Variants in CDC42BPA observed in about 807,000 individuals in gnomAD.
CDC42BPA encodes CDC42 binding protein kinase alpha.
Under a neutral mutation model 223.5 loss-of-function variants are expected in CDC42BPA, and 80 were observed. The ratio of observed to expected loss-of-function variants is 0.36; its 90% CI spans 0.30 to 0.43. The LOEUF is 0.43. Ranked by LOEUF, CDC42BPA falls within the 20% of genes least tolerant of loss-of-function variation. The pLI is 1.00. For missense variants in CDC42BPA, 1,743 were observed against 2,099.9 expected, an observed-to-expected ratio of 0.83 and a Z score of 3.32; for synonymous variants, 694 against 718.6, an observed-to-expected ratio of 0.97 and a Z score of 0.55.
intron 21 of CDC42BPA, among the ~76,000 whole-genome samples, chr1:227,058,888 A>C (rs976304320): frequency 4.6e-5 from 7 of 151,046 alleles, no homozygotes; most frequent in African/African-American, 1.5e-4. Context: ...AAAAAAAAAA[A>C]CAAGATTTCT....
At chr1:227,266,387 C>T (rs1257152422) in intron 1 of CDC42BPA, among the ~76,000 whole-genome samples, 1 of 152,104 alleles carries the variant, frequency 6.6e-6, no homozygotes, top group East Asian at 1.9e-4. Flanking sequence ...AAAGGAAAAA[C>T]AGAAGAGCTT....
intron 25 of CDC42BPA, 68 bp downstream of exon 25, chr1:227,035,403 C>A: frequency 8.2e-7 from 1 of 1,217,110 alleles, no homozygotes. Context: ...CTTAAACTAA[C>A]TGGATTTGAT....
chr1:227,020,849 T>G (rs1667227156), intron 32 of CDC42BPA, among the ~76,000 whole-genome samples: 1 of 152,218 alleles, frequency 6.6e-6, no homozygotes. Context: ...TCATTAAGTT[T>G]AATCATTTCT....
intron 1 of CDC42BPA, among the ~76,000 whole-genome samples, chr1:227,274,989 C>A (rs1163993961): frequency 2.0e-5 from 3 of 152,152 alleles, no homozygotes; most frequent in African/African-American, 4.8e-5. Context: ...AATTTTAACA[C>A]CTGTCTCAGT....
At chr1:227,179,575 G>A (rs536644292) in intron 5 of CDC42BPA, among the ~76,000 whole-genome samples, 1 of 139,316 alleles carries the variant, frequency 7.2e-6, no homozygotes, top group African/African-American at 2.7e-5. Flanking sequence ...GGTGGAGCTT[G>A]CAGTGAGCCG....
intron 3 of CDC42BPA, among the ~76,000 whole-genome samples, chr1:227,206,696 G>C (rs1355552548): frequency 6.6e-6 from 1 of 152,066 alleles, no homozygotes; most frequent in Non-Finnish European, 1.5e-5. Flanking sequence ...CTATTTTAAA[G>C]TGAATTCTTC....
chr1:227,242,097 C>T (rs932383427), intron 2 of CDC42BPA, among the ~76,000 whole-genome samples: 1 of 152,032 alleles, frequency 6.6e-6, no homozygotes, highest in African/African-American at 2.4e-5. Context: ...AAAAGGCCAA[C>T]TGAATTTCTA....
chr1:227,055,025 G>A (rs1674270918), intron 21 of CDC42BPA, among the ~76,000 whole-genome samples: 1 of 151,786 alleles, frequency 6.6e-6, no homozygotes, highest in African/African-American at 2.4e-5. Context: ...GCCATTTATA[G>A]TGATAGTCAT....
At chr1:227,280,808 T>C (rs1252803401) in intron 1 of CDC42BPA, among the ~76,000 whole-genome samples, 1 of 152,250 alleles carries the variant, frequency 6.6e-6, no homozygotes, top group African/African-American at 2.4e-5. Flanking sequence ...AGGGATCGTC[T>C]GCAGTATGCA....
intron 1 of CDC42BPA, among the ~76,000 whole-genome samples, chr1:227,295,826 G>A (rs1180502833): frequency 6.6e-6 from 1 of 152,156 alleles, no homozygotes; most frequent in Admixed American, 6.5e-5. Context: ...CGGGAATAAA[G>A]TGGGGAAAGC....
Position 227,317,817 on chromosome 1 carries a change from G to C in CDC42BPA, c.-635C>G. ...AGCCCCTCGGCTCGGAGCACGCCAA[G>C]TCTTGCCCGGAGGCGGCTTTTCGTT... On this transcript the variant is annotated 5_prime_UTR_variant, in exon 1 of 37. Coordinates refer to ENST00000366766, the MANE Select transcript of CDC42BPA (RefSeq NM_001394014.1). 2.5e-6 allele frequency: 1 copy of C among 398,716 alleles called. No individual in the cohort carries two copies. Among genetic ancestry groups the C allele is most frequent in the Non-Finnish European group, 4.4e-6 (1 of 226,110 alleles). The allele number at this position is 398,716 out of a possible 1,614,324, so 24.7% of individuals were successfully genotyped here.
At chr1:227,298,208 T>C (rs1691047614) in intron 1 of CDC42BPA, among the ~76,000 whole-genome samples, 2 of 151,678 alleles carry the variant, frequency 1.3e-5, no homozygotes, top group Non-Finnish European at 2.9e-5. Flanking sequence ...TCCAAATTCA[T>C]ATATATTGCC....
chr1:227,188,726 C>T (rs1669236642), intron 5 of CDC42BPA, among the ~76,000 whole-genome samples: 1 of 152,148 alleles, frequency 6.6e-6, no homozygotes, highest in Admixed American at 6.5e-5. Flanking sequence ...GAACACAGAG[C>T]ATTTTTAGGG....
In CDC42BPA at chr1:227,200,446, A is replaced by C. The variant is rs1357107777; in HGVS notation, c.355-794T>G. On this transcript the variant is annotated intron_variant, in intron 3 of 36. Transcript: ENST00000366766. ...ACCTTGCCTTAAAAAACAAACAAAC[A>C]AAAAAAAAACGAAAGAAAGAAAGAA... 3.2e-3 allele frequency among the ~76,000 whole-genome samples: 87 copies of C among 27,198 alleles called. 1 individual carries two copies. The East Asian group carries it at 0.041, about 13-fold the overall frequency. 17.8% of individuals were successfully genotyped at this position (27,198 alleles called of 152,430 possible).
chr1:227,316,602 T>C (rs4653820), intron 1 of CDC42BPA, among the ~76,000 whole-genome samples: 46,793 of 152,140 alleles, frequency 0.31, 7,383 homozygotes, highest in East Asian at 0.37. Context: ...TATCTCCTCC[T>C]ATTTTGAGAA....
At position 227,072,260 on chromosome 1, in the gene CDC42BPA, G is replaced by C; in HGVS notation, c.2775C>G (p.Leu925=). 4 of 1,608,534 alleles carry C rather than the reference G, an allele frequency of 2.5e-6. No individual in the cohort carries two copies. The highest frequency in any genetic ancestry group is 3.4e-6 in the Non-Finnish European group (4 of 1,175,556). The part of the protein sequence containing the change: ...KDSEKKNLEL[L]SEIEQLIKDT... ...CCTTTATCAGCTGTTCGATTTCTGAGAGTAGTTCCAAGTTCTTCTTCTCTG... is the reference window on the plus strand; with the variant it reads ...CCTTTATCAGCTGTTCGATTTCTGACAGTAGTTCCAAGTTCTTCTTCTCTG... The change falls in exon 20 of 37, where the codon CTC becomes CTG. Residue 925 remains leucine, a synonymous_variant. Transcript: ENST00000366766.
chr1:227,278,001 G>A (rs61834287), intron 1 of CDC42BPA, among the ~76,000 whole-genome samples: 19 of 152,270 alleles, frequency 1.2e-4, no homozygotes, highest in South Asian at 1.2e-3. Flanking sequence ...CAGCCACCTC[G>A]GCCTTCCTAA....
chr1:227,031,582 T>C (rs1221909589), intron 27 of CDC42BPA, 68 bp from the exon 28 acceptor site: 2 of 1,316,380 alleles, frequency 1.5e-6, no homozygotes, highest in Non-Finnish European at 2.2e-6. Context: ...TTCATGATTA[T>C]GTTAGTTTGC....
At chr1:227,297,877 G>T (rs1690915429) in intron 1 of CDC42BPA, among the ~76,000 whole-genome samples, 1 of 150,220 alleles carries the variant, frequency 6.7e-6, no homozygotes, top group African/African-American at 2.4e-5. Flanking sequence ...TATACATTTT[G>T]AAATGTAATT....
Sources: gnomAD v4.1 joint callset for allele counts (sites outside exome capture counted in the v4.1 genomes callset) on GRCh38, gnomAD v4.1.1 for gene constraint, MANE v1.5 for transcripts, NCBI Gene and HGNC (gene_info 2026-07-23, HGNC 2026-07-21) for gene names.